The following DHX30 variants were observed in gnomAD, a reference collection of about 807,000 sequenced individuals.
DHX30 encodes DExH-box helicase 30.
In DHX30, 4 loss-of-function variants were observed where a neutral mutation model predicts 116.9. That is an observed-to-expected ratio of 0.03 (90% confidence interval 0.02 to 0.08). The LOEUF is 0.08. DHX30 is among the 10% of genes least tolerant of loss of function. The probability of loss-of-function intolerance (pLI) is 1.00; values close to 1 mark genes in which losing one functional copy is unlikely to be tolerated. For missense variants in DHX30, 871 were observed against 1,595.1 expected (o/e 0.55, Z 7.73); for synonymous variants, 697 against 651.7 (o/e 1.07, Z -1.06).
intron 4 of DHX30, chr3:47,825,807 T>C (rs1221617264): frequency 6.6e-6 from 1 of 152,224 alleles, no homozygotes; most frequent in Non-Finnish European, 1.5e-5. Flanking sequence ...GTGGGTGTAA[T>C]GGGCTACTCG....
chr3:47,837,539 G>T (rs1199922386), intron 6 of DHX30, among the ~76,000 whole-genome samples: 1 of 152,162 alleles, frequency 6.6e-6, no homozygotes, highest in Non-Finnish European at 1.5e-5. Context: ...GAGGCGGGTG[G>T]ATCACAAGGT....
chr3:47,848,866 G>A lies in DHX30; in HGVS notation c.2769+49G>A, dbSNP rs759979692. 1 of 1,598,664 alleles carries A rather than the reference G, an allele frequency of 6.3e-7. No homozygotes were observed. Among genetic ancestry groups the A allele is most frequent in the Non-Finnish European group, 8.6e-7 (1 of 1,168,332 alleles). ...GCCGTCCACCCACTGCTGTTCTGAG[G>A]GGGCGTTGTCTAGCCCCTGCCTGTG... On this transcript the variant is annotated intron_variant, in intron 17 of 21. Transcript: ENST00000445061. The surrounding 1 kb of genome is among the most constrained non-coding windows in gnomAD (Gnocchi z 9.4).
At chr3:47,845,975 C>T (rs1453953321) in intron 10 of DHX30, 123 bp downstream of exon 10, 1 of 1,467,810 alleles carries the variant, frequency 6.8e-7, no homozygotes, top group Non-Finnish European at 9.1e-7. Flanking sequence ...GAGTTTGGGG[C>T]CTGGGATCCC....
At chr3:47,816,776 G>T (rs1462875652) in intron 3 of DHX30, 15 of 985,280 alleles carry the variant, frequency 1.5e-5, no homozygotes, top group Non-Finnish European at 1.7e-5. Flanking sequence ...GGGGGAGGAG[G>T]GTTGGAGTGC....
At chr3:47,841,247 C>T in intron 7 of DHX30, 69 bp downstream of exon 7, 4 of 1,564,846 alleles carry the variant, frequency 2.6e-6, no homozygotes, top group Non-Finnish European at 3.4e-6. Flanking sequence ...CGAATGTTCT[C>T]TGCTAGCTTT....
chr3:47,827,232 T>C (rs746470234), intron 4 of DHX30, 115 bp from the exon 5 acceptor site: 12 of 1,092,522 alleles, frequency 1.1e-5, no homozygotes, highest in Admixed American at 6.1e-5. Context: ...CCTGGGTGGT[T>C]TGGGGTCATG....
At chr3:47,840,772 A>G in intron 6 of DHX30, 105 bp from the exon 7 acceptor site, 1 of 1,454,498 alleles carries the variant, frequency 6.9e-7, no homozygotes, top group East Asian at 2.4e-5. Context: ...ACAGATGAAA[A>G]ACCACGGCTG....
At chr3:47,845,535 C>T (rs1021485156) in intron 9 of DHX30, 165 bp from the exon 10 acceptor site, 1 of 736,634 alleles carries the variant, frequency 1.4e-6, no homozygotes, top group Non-Finnish European at 2.0e-6. Flanking sequence ...GGTAAGTTAA[C>T]ATTTTCCTAG....
Position 47,843,097 on chromosome 3 carries a change from TC to T in DHX30, c.790-7del. ...ATTTCTGTAACCATCTCTCTTGCCT[TC>T]CATGTAGAACCTCATGCAGTTCCAT... On this transcript the variant is annotated splice_polypyrimidine_tract_variant and splice_region_variant and intron_variant, in intron 8 of 21. Transcript: ENST00000445061. 1 of 1,613,802 alleles carries T rather than the reference TC, an allele frequency of 6.2e-7. No individual in the cohort carries two copies. Among genetic ancestry groups the T allele is most frequent in the Non-Finnish European group, 8.5e-7 (1 of 1,179,772 alleles).
chr3:47,827,372 C>T lies in DHX30; in HGVS notation c.150C>T (p.Phe50=). The part of the protein sequence containing the change: ...SRASRDLLKE[F]PQPKNLLNSV... Reference sequence around the variant, plus strand: ...CTTCTAGGGACCTATTAAAAGAGTTCCCACAGCCCAAAAATCTTCTCAACA... The same window carrying T: ...CTTCTAGGGACCTATTAAAAGAGTTTCCACAGCCCAAAAATCTTCTCAACA... The change falls in exon 5 of 22, where the codon TTC becomes TTT. Residue 50 remains phenylalanine (F), a synonymous_variant. Transcript: ENST00000445061. 6.2e-7 allele frequency: 1 copy of T among 1,613,030 alleles called. No homozygotes were observed. Among genetic ancestry groups the T allele is most frequent in the Non-Finnish European group, 8.5e-7 (1 of 1,179,724 alleles).
At chr3:47,814,087 A>G (rs896172009) in intron 3 of DHX30, among the ~76,000 whole-genome samples, 9 of 151,624 alleles carry the variant, frequency 5.9e-5, no homozygotes, top group African/African-American at 2.2e-4. Flanking sequence ...GTGTCTCTGA[A>G]TTAATAGTAC....
At chr3:47,821,670 C>T (rs776633841) in intron 4 of DHX30, among the ~76,000 whole-genome samples, 1 of 152,152 alleles carries the variant, frequency 6.6e-6, no homozygotes, top group Non-Finnish European at 1.5e-5. Flanking sequence ...GCAATGTCGG[C>T]TCACTGCAAC....
intron 3 of DHX30, among the ~76,000 whole-genome samples, chr3:47,815,664 C>G (rs56103403): frequency 7.7e-6 from 1 of 130,652 alleles, no homozygotes; most frequent in Admixed American, 9.4e-5. Flanking sequence ...TGTCTGATTT[C>G]TTACCTGTAA....
At chr3:47,845,545 G>T in intron 9 of DHX30, 155 bp from the exon 10 acceptor site, 1 of 778,346 alleles carries the variant, frequency 1.3e-6, no homozygotes, top group Admixed American at 3.6e-5. Context: ...CATTTTCCTA[G>T]TTCATAATTT....
intron 8 of DHX30, 148 bp from the exon 9 acceptor site, chr3:47,842,958 T>C (rs779494012): frequency 1.7e-5 from 17 of 989,560 alleles, no homozygotes; most frequent in Non-Finnish European, 2.5e-5. Flanking sequence ...CTCCTGGCTA[T>C]GCAGCAGCAC....
intron 2 of DHX30, among the ~76,000 whole-genome samples, 156 bp downstream of exon 2, chr3:47,805,576 T>C (rs2106921056): frequency 6.6e-6 from 1 of 152,330 alleles, no homozygotes; most frequent in Non-Finnish European, 1.5e-5. Context: ...TCTCGCTTTG[T>C]CCCCCAGGCT....
At chr3:47,817,110 T>A in intron 3 of DHX30, 1 of 337,562 alleles carries the variant, frequency 3.0e-6, no homozygotes, top group Non-Finnish European at 4.2e-6. Flanking sequence ...GAACAGGTGG[T>A]TTCTCAAGCT....
intron 2 of DHX30, among the ~76,000 whole-genome samples, chr3:47,808,315 G>A (rs2035627249): frequency 6.7e-6 from 1 of 150,302 alleles, no homozygotes; most frequent in Admixed American, 6.6e-5. Context: ...AATCCTGGGC[G>A]AAGTGATCCT....
intron 7 of DHX30, 53 bp downstream of exon 7, chr3:47,841,231 G>T: frequency 1.9e-6 from 3 of 1,593,438 alleles, no homozygotes; most frequent in Non-Finnish European, 2.6e-6. Context: ...TTGACACGGG[G>T]ATGGGCGAAT....
Sources: gnomAD v4.1 joint callset for allele counts (sites outside exome capture counted in the v4.1 genomes callset) on GRCh38, gnomAD v4.1.1 for gene constraint, Gnocchi (gnomAD v3.1) non-coding constraint, MANE v1.5 for transcripts, NCBI Gene and HGNC (gene_info 2026-07-23, HGNC 2026-07-21) for gene names.